The following EPHA5 variants were observed in gnomAD, a reference collection of about 807,000 sequenced individuals.
EPHA5 encodes ephrin type-A receptor 5.
A neutral mutation model predicts 105.0 loss-of-function variants in EPHA5; 60 were observed. The ratio of observed to expected loss-of-function variants is 0.57; its 90% CI spans 0.46 to 0.71. The LOEUF is 0.71. Among genes scored for constraint, EPHA5 ranks in the 30% least tolerant of loss-of-function variants. The probability of loss-of-function intolerance (pLI) is 0.00; values close to 1 mark genes in which losing one functional copy is unlikely to be tolerated. For synonymous variants in EPHA5, 513 were observed against 449.1 expected, an observed-to-expected ratio of 1.14 and a Z score of -1.80; for missense variants, 1,218 against 1,274.7, an observed-to-expected ratio of 0.96 and a Z score of 0.68.
chr4:65,398,599 C>T (rs1172728602), intron 8 of EPHA5, among the ~76,000 whole-genome samples: 2 of 152,156 alleles, frequency 1.3e-5, no homozygotes, highest in East Asian at 1.9e-4. Flanking sequence ...CCTATGGCTG[C>T]CCACAGTCCA....
At chr4:65,566,100 T>A (rs949178896) in intron 3 of EPHA5, among the ~76,000 whole-genome samples, 5 of 151,778 alleles carry the variant, frequency 3.3e-5, no homozygotes, top group African/African-American at 1.2e-4. Flanking sequence ...GGGGCCCTAC[T>A]TCTACAACAT....
chr4:65,338,633 C>T (rs1238974406), intron 14 of EPHA5, among the ~76,000 whole-genome samples: 1 of 152,000 alleles, frequency 6.6e-6, no homozygotes, highest in Non-Finnish European at 1.5e-5. Context: ...TGCTCTGTCT[C>T]TATATCAACT....
intron 2 of EPHA5, among the ~76,000 whole-genome samples, chr4:65,623,481 C>T (rs1745879864): frequency 2.0e-5 from 3 of 152,030 alleles, no homozygotes; most frequent in African/African-American, 7.2e-5. Context: ...AATACACTAT[C>T]ATAAGAAGTA....
chr4:65,560,818 T>C (rs1357938264), intron 3 of EPHA5, among the ~76,000 whole-genome samples: 1 of 152,088 alleles, frequency 6.6e-6, no homozygotes, highest in Non-Finnish European at 1.5e-5. Context: ...CAAAATAATA[T>C]AGAATATAGA....
chr4:65,391,782 C>A (rs191802680), intron 8 of EPHA5, among the ~76,000 whole-genome samples: 94 of 152,192 alleles, frequency 6.2e-4, no homozygotes, highest in African/African-American at 1.3e-3. Context: ...GAGCTTTAGA[C>A]AAAAAGTGTA....
At chr4:65,607,171 A>G (rs1213047031) in intron 2 of EPHA5, among the ~76,000 whole-genome samples, 1 of 151,520 alleles carries the variant, frequency 6.6e-6, no homozygotes, top group East Asian at 1.9e-4. Context: ...CAAATTACTA[A>G]CTCACTGATG....
chr4:65,621,637 A>G (rs1305481730), intron 2 of EPHA5, among the ~76,000 whole-genome samples: 3 of 152,148 alleles, frequency 2.0e-5, no homozygotes, highest in Admixed American at 2.0e-4. Context: ...CAGAAATAAC[A>G]AACCAGGAGA....
At chr4:65,552,873 A>G (rs1404641361) in intron 3 of EPHA5, among the ~76,000 whole-genome samples, 4 of 152,094 alleles carry the variant, frequency 2.6e-5, no homozygotes, top group Admixed American at 6.6e-5. Flanking sequence ...TTTTTAGTAA[A>G]TAAGCAATAT....
At chr4:65,452,581 CA>C (rs34579426) in intron 5 of EPHA5, among the ~76,000 whole-genome samples, 33,330 of 139,780 alleles carry the variant, frequency 0.24, 3,972 homozygotes, top group Middle Eastern at 0.34. Context: ...GCTAAAATAC[CA>C]AAAAAAAAAA....
At chr4:65,424,210 T>A (rs1010678916) in intron 5 of EPHA5, among the ~76,000 whole-genome samples, 7 of 152,002 alleles carry the variant, frequency 4.6e-5, no homozygotes, top group African/African-American at 1.7e-4. Context: ...AATATCCCAA[T>A]GACACAAACA....
intron 15 of EPHA5, among the ~76,000 whole-genome samples, chr4:65,333,370 A>ATC (rs1720829594): frequency 6.6e-6 from 1 of 151,738 alleles, no homozygotes; most frequent in Admixed American, 6.6e-5. Context: ...ATGGTCAATG[A>ATC]TCTCTCTTTT....
At position 65,520,455 on chromosome 4, in the gene EPHA5, T is replaced by A. The variant is rs1578321402; in HGVS notation, c.911-24912A>T. Among the ~76,000 whole-genome samples, 6 of 152,158 alleles carry A rather than the reference T, an allele frequency of 3.9e-5. No individual in the cohort carries two copies. The South Asian group carries it at 1.2e-3, about 32-fold the overall frequency. ...GAAAACCTAAGCAATACCATTCAGGTCATGGTCATGGGCAAGGACTTCATG... is the reference window on the plus strand; with the variant it reads ...GAAAACCTAAGCAATACCATTCAGGACATGGTCATGGGCAAGGACTTCATG... On this transcript the variant is annotated intron_variant, in intron 3 of 16. Transcript: ENST00000613740.
At chr4:65,552,496 A>G (rs1296676719) in intron 3 of EPHA5, among the ~76,000 whole-genome samples, 1 of 152,118 alleles carries the variant, frequency 6.6e-6, no homozygotes, top group African/African-American at 2.4e-5. Context: ...CGCTTGACTG[A>G]CAAATCTCAT....
intron 3 of EPHA5, among the ~76,000 whole-genome samples, chr4:65,545,087 T>A (rs1174236067): frequency 1.3e-5 from 2 of 151,914 alleles, no homozygotes; most frequent in East Asian, 3.9e-4. Flanking sequence ...TGGGGGCTAT[T>A]GTTCTTGTTA....
chr4:65,598,669 T>C (rs758913488), intron 3 of EPHA5, among the ~76,000 whole-genome samples: 3 of 152,166 alleles, frequency 2.0e-5, no homozygotes, highest in Non-Finnish European at 4.4e-5. Context: ...GATTTAGCCT[T>C]GATTGATTGG....
At chr4:65,510,346 A>C (rs1489934058) in intron 3 of EPHA5, among the ~76,000 whole-genome samples, 1 of 151,752 alleles carries the variant, frequency 6.6e-6, no homozygotes, top group Non-Finnish European at 1.5e-5. Context: ...CGCTCGGTGG[A>C]TACATACTTC....
chr4:65,498,661 G>C (rs1169002534), intron 3 of EPHA5, among the ~76,000 whole-genome samples: 3 of 151,752 alleles, frequency 2.0e-5, no homozygotes, highest in Non-Finnish European at 4.4e-5. Context: ...AAAATCGTAA[G>C]AGTGACTGTA....
intron 8 of EPHA5, among the ~76,000 whole-genome samples, chr4:65,376,689 C>T (rs1012053337): frequency 6.6e-6 from 1 of 151,936 alleles, no homozygotes; most frequent in Admixed American, 6.6e-5. Context: ...ATTTTTACTT[C>T]ATGGAACAAC....
In EPHA5 at chr4:65,669,911, A is replaced by G. The variant is rs756690092; in HGVS notation, c.-169T>C. On this transcript the variant is annotated 5_prime_UTR_variant, in exon 1 of 17. Coordinates refer to ENST00000613740, the MANE Select transcript of EPHA5 (RefSeq NM_001281766.3). The stretch of plus-strand genomic sequence containing the variant: ...TAGGAACCACGGATCCGGCTGAGAC[A>G]GCTGAAGTTTGCTTCTGGCTCCTCT... 3 of 1,085,256 alleles carry G rather than the reference A, an allele frequency of 2.8e-6. No individual in the cohort carries two copies. The highest frequency in any genetic ancestry group is 3.5e-6 in the Non-Finnish European group (3 of 854,962). The allele number at this position is 1,085,256 out of a possible 1,614,324, so 67.2% of individuals were successfully genotyped here.
Sources: allele counts gnomAD v4.1 joint callset (sites outside exome capture counted in the v4.1 genomes callset), GRCh38; gene constraint gnomAD v4.1.1; transcripts MANE v1.5; gene names NCBI Gene and HGNC (gene_info 2026-07-23, HGNC 2026-07-21).